EPC1: variants seen among roughly 807,000 people sequenced by gnomAD.
EPC1 encodes the protein enhancer of polycomb 1, also known as enhancer of polycomb homolog 1.
A neutral mutation model predicts 98.4 loss-of-function variants in EPC1; 12 were observed. The observed-to-expected ratio is 0.12, with a 90% CI of 0.08 to 0.20. The LOEUF is 0.20. Ranked by LOEUF, EPC1 falls within the 10% of genes least tolerant of loss-of-function variation. EPC1 has a pLI of 1.00. For synonymous variants in EPC1, 357 were observed against 363.9 expected, an observed-to-expected ratio of 0.98 and a Z score of 0.21; for missense variants, 729 against 990.5, an observed-to-expected ratio of 0.74 and a Z score of 3.54.
intron 1 of EPC1, among the ~76,000 whole-genome samples, chr10:32,358,663 G>C (rs1839354569): frequency 1.4e-5 from 2 of 146,262 alleles, no homozygotes; most frequent in Non-Finnish European, 3.0e-5. Flanking sequence ...GGCGGGGGGG[G>C]AAGAAAGTGG....
intron 1 of EPC1, among the ~76,000 whole-genome samples, chr10:32,321,638 T>C (rs1035975930): frequency 2.0e-5 from 3 of 151,728 alleles, no homozygotes; most frequent in Non-Finnish European, 4.4e-5. Context: ...GGAAGTAATA[T>C]TAAGTAAAAA....
chr10:32,356,062 T>C (rs1307615544), intron 1 of EPC1, among the ~76,000 whole-genome samples: 1 of 152,166 alleles, frequency 6.6e-6, no homozygotes. Flanking sequence ...TAGAAACATA[T>C]GTTGGAACAT....
At chr10:32,314,836 A>G (rs774694341) in intron 1 of EPC1, among the ~76,000 whole-genome samples, 2 of 152,366 alleles carry the variant, frequency 1.3e-5, no homozygotes, top group East Asian at 3.9e-4. Flanking sequence ...CTCTGTTCAC[A>G]TGGGTGGGTA....
At chr10:32,291,122 A>G in intron 6 of EPC1, 41 bp downstream of exon 6, 18 of 1,549,204 alleles carry the variant, frequency 1.2e-5, no homozygotes, top group Non-Finnish European at 1.5e-5. Flanking sequence ...ATAAAATACC[A>G]TCCCATTATT....
At chr10:32,334,082 G>A (rs774794037) in intron 1 of EPC1, among the ~76,000 whole-genome samples, 2 of 152,204 alleles carry the variant, frequency 1.3e-5, no homozygotes, top group African/African-American at 2.4e-5. Context: ...ATGCCCAAAG[G>A]GCAAAGCTGA....
chr10:32,318,770 C>CA (rs1398571097), intron 1 of EPC1, among the ~76,000 whole-genome samples: 1 of 152,194 alleles, frequency 6.6e-6, no homozygotes, highest in Non-Finnish European at 1.5e-5. Flanking sequence ...AGAAATTACT[C>CA]AATACTCTCC....
intron 13 of EPC1, among the ~76,000 whole-genome samples, chr10:32,270,198 A>T (rs1835771643): frequency 6.6e-6 from 1 of 152,224 alleles, no homozygotes; most frequent in South Asian, 2.1e-4. Context: ...GTGCAAAAAA[A>T]GATTTCTCCT....
At chr10:32,332,651 G>C (rs558934816) in intron 1 of EPC1, among the ~76,000 whole-genome samples, 47 of 152,326 alleles carry the variant, frequency 3.1e-4, no homozygotes, top group African/African-American at 1.1e-3. Context: ...CTGCAATCCT[G>C]AACAGCTTTT....
intron 1 of EPC1, among the ~76,000 whole-genome samples, chr10:32,321,099 C>T (rs1836883809): frequency 6.6e-6 from 1 of 152,044 alleles, no homozygotes; most frequent in Non-Finnish European, 1.5e-5. Context: ...AATGGAACTA[C>T]CTTTAATGGT....
chr10:32,365,664 AG>A (rs1270574605), intron 1 of EPC1, among the ~76,000 whole-genome samples: 4 of 144,388 alleles, frequency 2.8e-5, no homozygotes, highest in African/African-American at 1.0e-4. Context: ...AATTCAAAAA[AG>A]AAAAAACTGG....
At chr10:32,346,271 C>T (rs1217926035) in intron 1 of EPC1, among the ~76,000 whole-genome samples, 6 of 152,302 alleles carry the variant, frequency 3.9e-5, no homozygotes, top group African/African-American at 1.2e-4. Context: ...TCAAATTCCC[C>T]GACTGTGCAC....
chr10:32,308,162 C>G (rs1835984356), intron 1 of EPC1, among the ~76,000 whole-genome samples: 1 of 152,124 alleles, frequency 6.6e-6, no homozygotes, highest in African/African-American at 2.4e-5. Context: ...CTTAAACTCC[C>G]TTGAGCCCAG....
At chr10:32,317,871 T>C (rs1055649354) in intron 1 of EPC1, among the ~76,000 whole-genome samples, 1 of 152,170 alleles carries the variant, frequency 6.6e-6, no homozygotes, top group Non-Finnish European at 1.5e-5. Context: ...ACAGATAAAA[T>C]AGTCCAGTTC....
intron 1 of EPC1, among the ~76,000 whole-genome samples, chr10:32,316,778 G>T (rs1272394522): frequency 2.6e-5 from 4 of 152,190 alleles, no homozygotes; most frequent in African/African-American, 9.7e-5. Context: ...TCCACTATTT[G>T]TGAATCTCAC....
intron 1 of EPC1, 144 bp downstream of exon 1, chr10:32,346,619 G>A: frequency 5.0e-6 from 4 of 802,908 alleles, no homozygotes; most frequent in Middle Eastern, 3.8e-4. Context: ...TGGGGGAGGC[G>A]GGGTATAGGC....
At chr10:32,321,618 G>GA (rs374746705) in intron 1 of EPC1, among the ~76,000 whole-genome samples, 51 of 151,966 alleles carry the variant, frequency 3.4e-4, no homozygotes, top group African/African-American at 1.2e-3. Flanking sequence ...GAAAATGACT[G>GA]AGAGAAGAGG....
At position 32,300,689 on chromosome 10, in the gene EPC1, C is replaced by T. The variant is rs576083524; in HGVS notation, c.313+5083G>A. ...CCCCAGGTGATCTGCCTGCCTCGGCCTCCCAAAGTACTGGGATTACAAGTG... is the reference window on the plus strand; with the variant it reads ...CCCCAGGTGATCTGCCTGCCTCGGCTTCCCAAAGTACTGGGATTACAAGTG... On this transcript the variant is annotated intron_variant, in intron 2 of 13. Transcript: ENST00000319778. 1.1e-4 allele frequency among the ~76,000 whole-genome samples: 16 copies of T among 152,270 alleles called. No individual in the cohort carries two copies. The South Asian group carries it at 2.5e-3, about 24-fold the overall frequency.
intron 1 of EPC1, among the ~76,000 whole-genome samples, chr10:32,307,205 T>G (rs2132826780): frequency 6.6e-6 from 1 of 152,210 alleles, no homozygotes; most frequent in East Asian, 1.9e-4. Flanking sequence ...AGATACAAAT[T>G]GAAAGGGAAA....
At chr10:32,348,475 T>A (rs755436451), upstream of EPC1, among the ~76,000 whole-genome samples, 1 of 152,224 alleles carries the variant, frequency 6.6e-6, no homozygotes, top group Non-Finnish European at 1.5e-5. Context: ...GGGCTTGATA[T>A]GAGCTGTCAC....
Sources: allele counts gnomAD v4.1 joint callset (sites outside exome capture counted in the v4.1 genomes callset), GRCh38; gene constraint gnomAD v4.1.1; transcripts MANE v1.5; gene names NCBI Gene and HGNC (gene_info 2026-07-23, HGNC 2026-07-21).